TMEM63A: variants seen among roughly 807,000 people sequenced by gnomAD.
TMEM63A encodes the protein mechanosensitive cation channel TMEM63A.
TMEM63A carries 76 observed loss-of-function variants against 100.6 expected under a neutral mutation model. That is an observed-to-expected ratio of 0.76 (90% CI 0.63 to 0.91). The LOEUF (loss-of-function observed/expected upper bound fraction) is 0.91, where lower values mean the gene tolerates loss of function less well. Among genes scored for constraint, TMEM63A ranks in the 40% least tolerant of loss-of-function variants. The pLI, the probability that TMEM63A is intolerant of heterozygous loss-of-function variation, is 0.00. For missense variants in TMEM63A, 876 were observed against 1,008.8 expected (o/e 0.87, Z 1.78); for synonymous variants, 401 against 401.1 (o/e 1.00, Z 0.00).
At chr1:225,842,540 C>A (rs1455089746), downstream of TMEM63A, 2 of 1,130,084 alleles carry the variant, frequency 1.8e-6, no homozygotes, top group African/African-American at 1.5e-5. Flanking sequence ...TCACCCTCTT[C>A]ATCCCCTTGT....
chr1:225,870,183 C>T (rs1247291883), intron 6 of TMEM63A, among the ~76,000 whole-genome samples: 1 of 151,922 alleles, frequency 6.6e-6, no homozygotes, highest in African/African-American at 2.4e-5. Context: ...AACCCTGTCT[C>T]TACTAAAAAT....
At chr1:225,850,209 A>G in intron 20 of TMEM63A, 130 bp from the exon 21 acceptor site, 1 of 1,029,160 alleles carries the variant, frequency 9.7e-7, no homozygotes, top group South Asian at 1.6e-5. Context: ...CCTGAACACA[A>G]AATGAGGCAT....
At chr1:225,848,022 G>T (rs963045899) in intron 23 of TMEM63A, among the ~76,000 whole-genome samples, 1 of 152,196 alleles carries the variant, frequency 6.6e-6, no homozygotes, top group Non-Finnish European at 1.5e-5. Flanking sequence ...GGAGCCCTGT[G>T]TCTCTCTACC....
intron 20 of TMEM63A, among the ~76,000 whole-genome samples, chr1:225,850,551 G>A (rs904976033): frequency 6.6e-6 from 1 of 152,132 alleles, no homozygotes; most frequent in African/African-American, 2.4e-5. Flanking sequence ...CTATTCAGGG[G>A]GTCGGCAATG....
intron 4 of TMEM63A, among the ~76,000 whole-genome samples, chr1:225,872,844 C>T (rs906963759): frequency 1.3e-5 from 2 of 151,924 alleles, no homozygotes; most frequent in Admixed American, 1.3e-4. Context: ...CAGGCACCCG[C>T]CACCATGCCT....
At position 225,867,279 on chromosome 1, in the gene TMEM63A, G is replaced by A; in HGVS notation, c.515-116C>T. The A allele has an allele frequency of 9.6e-7, 1 of 1,040,562 alleles. No homozygotes were observed. The highest frequency in any genetic ancestry group is 1.6e-5 in the African/African-American group (1 of 63,816). The allele number at this position is 1,040,562 out of a possible 1,614,324, so 64.5% of individuals were successfully genotyped here. On this transcript the variant is annotated intron_variant, in intron 7 of 24. Transcript: ENST00000366835. This position sits in a 1 kb window ranked among gnomAD's most constrained non-coding sequence, Gnocchi z 4.6. ...GAGGAGGAGCATGTCTGGACCAGCA[G>A]GAAGACAACGTCTGACTGGTCTTTC...
At chr1:225,856,327 G>GT (rs71574544) in intron 17 of TMEM63A, among the ~76,000 whole-genome samples, 4,404 of 108,014 alleles carry the variant, frequency 0.041, 148 homozygotes, top group Middle Eastern at 0.059. Context: ...TTTCAAGCTG[G>GT]TTTTTTTTTT....
At position 225,871,110 on chromosome 1, in the gene TMEM63A, A is replaced by T; in HGVS notation, c.337T>A (p.Cys113Ser). The change falls in exon 6 of 25, where the codon TGC (cysteine) becomes AGC (serine). Residue 113 changes from cysteine to serine, a missense_variant. This residue lies in a region of TMEM63A where 487 missense variants were observed against 581.9 expected (regional missense o/e 0.84). Coordinates refer to ENST00000366835, the MANE Select transcript of TMEM63A (RefSeq NM_014698.3). ...AAGATGGCAGTCAGCCAGGGACAGC[A>T]TCCCTGGAAACGGAGAGAACAGGGA... ...GQQDFENELG[C>S]CPWLTAIFRL... The T allele has an allele frequency of 6.2e-7, 1 of 1,614,006 alleles. No individual in the cohort carries two copies. The highest frequency in any genetic ancestry group is 8.5e-7 in the Non-Finnish European group (1 of 1,179,870).
chr1:225,862,142 C>T lies in TMEM63A; in HGVS notation c.1085+76G>A, dbSNP rs1405520095. Reference sequence around the variant, plus strand: ...TGGTGGGTCAGCAGTACCATCTCCACTCGAGAGGGACAGTGAGTTATCTGG... The same window carrying T: ...TGGTGGGTCAGCAGTACCATCTCCATTCGAGAGGGACAGTGAGTTATCTGG... On this transcript the variant is annotated intron_variant, in intron 13 of 24. Transcript: ENST00000366835. The surrounding 1 kb of genome is among the most constrained non-coding windows in gnomAD (Gnocchi z 5.1). 8 of 1,581,734 alleles carry T rather than the reference C, an allele frequency of 5.1e-6. No individual in the cohort carries two copies. Among genetic ancestry groups the T allele is most frequent in the East Asian group, 4.5e-5 (2 of 44,430 alleles).
At position 225,852,572 on chromosome 1, in the gene TMEM63A, T is replaced by C. The variant is rs757034896; in HGVS notation, c.1903+92A>G. On this transcript the variant is annotated intron_variant, in intron 20 of 24. Coordinates refer to ENST00000366835, the MANE Select transcript of TMEM63A (RefSeq NM_014698.3). ...TGTGGCTGTGGTTTTGGGAACTCCA[T>C]TGTGCCCTGGTGATAGCTGTCCCCG... is the stretch of plus-strand genomic sequence containing the variant. 17 of 1,239,920 alleles carry C rather than the reference T, an allele frequency of 1.4e-5. No individual in the cohort carries two copies. The African/African-American group carries it at 1.9e-4, about 14-fold the overall frequency. The allele number at this position is 1,239,920 out of a possible 1,614,324, so 76.8% of individuals were successfully genotyped here.
Position 225,847,141 on chromosome 1 carries a change from G to T in TMEM63A, c.2323C>A (p.Gln775Lys). The change falls in exon 24 of 25, where the codon CAG becomes AAG. Residue 775 changes from glutamine to lysine, a missense_variant. Coordinates refer to ENST00000366835, the MANE Select transcript of TMEM63A (RefSeq NM_014698.3). ...TALSPQQQQQ[Q>K]TYGAIHNISG... ...ATGTTGTGGATGGCACCATAGGTCT[G>T]CTGCTGCTGCTGCTGCGGAGACAGT... 6.5e-7 allele frequency: 1 copy of T among 1,545,540 alleles called. No individual in the cohort carries two copies. The highest frequency in any genetic ancestry group is 8.8e-7 in the Non-Finnish European group (1 of 1,136,042).
intron 1 of TMEM63A, among the ~76,000 whole-genome samples, chr1:225,881,769 C>A (rs3766939): frequency 0.05 from 7,675 of 152,132 alleles, 338 homozygotes; most frequent in East Asian, 0.16. Context: ...GGTTTCTTAG[C>A]AGAGCTCGCC....
chr1:225,847,121 G>T lies in TMEM63A; in HGVS notation c.2343C>A (p.His781Gln). The T allele has an allele frequency of 1.2e-6, 2 of 1,613,894 alleles. No homozygotes were observed. The highest frequency in any genetic ancestry group is 1.7e-6 in the Non-Finnish European group (2 of 1,180,034). The change falls in exon 24 of 25, where the codon CAC becomes CAA. Residue 781 changes from histidine (H) to glutamine (Q), a missense_variant. His to Gln is a conservative substitution (Grantham distance 24). Around this residue, in one of 5 missense-constraint regions of TMEM63A, gnomAD observed 339 missense variants for 342.3 expected, o/e 0.99. Coordinates refer to ENST00000366835, the MANE Select transcript of TMEM63A (RefSeq NM_014698.3). ...GTCCAGGGATAGTCCCGCTGATGTTGTGGATGGCACCATAGGTCTGCTGCT... is the reference window on the plus strand; with the variant it reads ...GTCCAGGGATAGTCCCGCTGATGTTTTGGATGGCACCATAGGTCTGCTGCT... Reference protein sequence around the residue: ...QQQQQTYGAIHNISGTIPGQC... With the variant: ...QQQQQTYGAIQNISGTIPGQC...
intron 21 of TMEM63A, among the ~76,000 whole-genome samples, chr1:225,849,619 T>C (rs1669223069): frequency 6.6e-6 from 1 of 152,174 alleles, no homozygotes; most frequent in Non-Finnish European, 1.5e-5. Flanking sequence ...CGGGCTAGCT[T>C]AGGAGCCAGG....
chr1:225,874,168 G>GACAC (rs113985759), intron 4 of TMEM63A, 120 bp downstream of exon 4: 1 of 951,462 alleles, frequency 1.1e-6, no homozygotes, highest in East Asian at 2.6e-5. Flanking sequence ...CCATTCCAGG[G>GACAC]ACACACACAC....
At position 225,853,721 on chromosome 1, in the gene TMEM63A, C is replaced by T. The variant is rs756925175; in HGVS notation, c.1705G>A (p.Gly569Ser). 4 of 1,601,954 alleles carry T rather than the reference C, an allele frequency of 2.5e-6. No homozygotes were observed. The Admixed American group carries it at 6.9e-5, about 28-fold the overall frequency. The change falls in exon 19 of 25, where the codon GGC becomes AGC. Residue 569 changes from glycine to serine, a missense_variant. Physicochemically the swap from Gly to Ser is moderately conservative, Grantham distance 56. Around this residue, in one of 5 missense-constraint regions of TMEM63A, gnomAD observed 339 missense variants for 342.3 expected, o/e 0.99. Transcript: ENST00000366835. The surrounding 1 kb of genome is among the most constrained non-coding windows in gnomAD (Gnocchi z 4.0). Reference protein sequence around the residue: ...YVIASAFIGNGMELLRLPGLI... With the variant: ...YVIASAFIGNSMELLRLPGLI... ...CCTGGCAGCCGCAGCAGCTCCATGC[C>T]ATTGCCGATGAAGGCCGAGGCGATG...
intron 2 of TMEM63A, 85 bp downstream of exon 2, chr1:225,879,135 C>T (rs1670969334): frequency 6.6e-6 from 1 of 152,230 alleles, no homozygotes; most frequent in African/African-American, 2.4e-5. Flanking sequence ...TTTAAAATCC[C>T]CCAGTGGCAC....
rs1358390234 is a variant in TMEM63A at position 225,845,568 on chromosome 1, C to G, written c.*1371G>C. The G allele has an allele frequency of 8.3e-6, 5 of 604,588 alleles. No homozygotes were observed. In the Admixed American group the frequency reaches 1.5e-4, roughly 18 times the overall value. 37.5% of individuals were successfully genotyped at this position (604,588 alleles called of 1,614,324 possible). A position where few individuals can be genotyped will look rare whatever the true frequency, so the allele number is the denominator to read the frequency against. On this transcript the variant is annotated 3_prime_UTR_variant, in exon 25 of 25. Coordinates refer to ENST00000366835, the MANE Select transcript of TMEM63A (RefSeq NM_014698.3). ...ATAAACGACTTTACTCTAAAAGCGG[C>G]TGGAACTCAGTGACATGAGCGTGCG...
Position 225,865,883 on chromosome 1 carries a change from C to T in TMEM63A, c.746+14G>A. Reference sequence around the variant, plus strand: ...TGGAGGGGGCTCAGCTCCCCTCCCACCCCACCTGCTTACCGGAAGTGGCTC... The same window carrying T: ...TGGAGGGGGCTCAGCTCCCCTCCCATCCCACCTGCTTACCGGAAGTGGCTC... On this transcript the variant is annotated intron_variant, in intron 10 of 24. Coordinates refer to ENST00000366835, the MANE Select transcript of TMEM63A (RefSeq NM_014698.3). The surrounding 1 kb of genome is among the most constrained non-coding windows in gnomAD (Gnocchi z 4.6). 1 of 1,613,396 alleles carries T rather than the reference C, an allele frequency of 6.2e-7. No homozygotes were observed. The highest frequency in any genetic ancestry group is 1.3e-5 in the African/African-American group (1 of 74,996).
Sources: gnomAD v4.1 joint callset for allele counts (sites outside exome capture counted in the v4.1 genomes callset) on GRCh38, gnomAD v4.1.1 for gene constraint, gnomAD v4.1.1 regional missense constraint, Gnocchi (gnomAD v3.1) non-coding constraint, MANE v1.5 for transcripts, NCBI Gene and HGNC (gene_info 2026-07-23, HGNC 2026-07-21) for gene names.